Variants in UNC13C observed in about 807,000 individuals in gnomAD.
UNC13C encodes unc-13 homolog C.
In UNC13C, 174 loss-of-function variants were observed where a neutral mutation model predicts 245.4. The observed-to-expected ratio is 0.71, with a 90% CI of 0.63 to 0.80. UNC13C has a LOEUF of 0.80. Ranked by LOEUF, UNC13C falls within the 30% of genes least tolerant of loss-of-function variation. The probability of loss-of-function intolerance (pLI) is 0.00; values close to 1 mark genes in which losing one functional copy is unlikely to be tolerated. For synonymous variants in UNC13C, 992 were observed against 895.1 expected (o/e 1.11, Z -1.93); for missense variants, 2,829 against 2,602.9 (o/e 1.09, Z -1.89).
chr15:54,621,835 G>A (rs945656647), intron 30 of UNC13C, among the ~76,000 whole-genome samples: 34 of 152,146 alleles, frequency 2.2e-4, no homozygotes, highest in African/African-American at 6.7e-4. Flanking sequence ...AAATGCTATC[G>A]GTACACCTTA....
intron 10 of UNC13C, among the ~76,000 whole-genome samples, chr15:54,267,371 A>G (rs2036573533): frequency 6.6e-6 from 1 of 152,038 alleles, no homozygotes; most frequent in South Asian, 2.1e-4. Context: ...ATCAGAGGTA[A>G]GAGCAGACAT....
At chr15:54,338,596 A>G (rs2038651637) in intron 17 of UNC13C, 107 bp downstream of exon 17, 1 of 1,252,438 alleles carries the variant, frequency 8.0e-7, no homozygotes, top group Non-Finnish European at 1.1e-6. Context: ...TTAATTTCAC[A>G]TTAACTGCAA....
intron 14 of UNC13C, among the ~76,000 whole-genome samples, chr15:54,331,323 AC>A (rs756664455): frequency 2.6e-5 from 4 of 152,024 alleles, no homozygotes; most frequent in Non-Finnish European, 5.9e-5. Flanking sequence ...TGTTTAATCC[AC>A]CCAACTTTAA....
chr15:53,911,986 G>C, the UNC13C span: 4 of 152,280 alleles, frequency 2.6e-5, no homozygotes, highest in East Asian at 3.9e-4. Context: ...GCCATTGGCG[G>C]GACCTGGGAG....
chr15:54,443,592 C>G (rs994188494), intron 19 of UNC13C, among the ~76,000 whole-genome samples: 2 of 151,914 alleles, frequency 1.3e-5, no homozygotes, highest in Non-Finnish European at 2.9e-5. Context: ...ATATATTTTG[C>G]TATGCTGTGT....
chr15:53,875,008 G>A, the UNC13C span, among the ~76,000 whole-genome samples: 9 of 152,044 alleles, frequency 5.9e-5, no homozygotes, highest in Non-Finnish European at 1.2e-4. Flanking sequence ...CAGGAGAATC[G>A]CATGAACCCG....
chr15:54,630,703 T>C (rs1013671927), downstream of UNC13C: 1 of 152,166 alleles, frequency 6.6e-6, no homozygotes, highest in Non-Finnish European at 1.5e-5. Flanking sequence ...TTTGCTCTTT[T>C]GACTCCCCAG....
intron 14 of UNC13C, among the ~76,000 whole-genome samples, chr15:54,327,097 G>T (rs1416620859): frequency 6.6e-6 from 1 of 151,906 alleles, no homozygotes; most frequent in East Asian, 1.9e-4. Flanking sequence ...GAGTTGAAAA[G>T]TAACAAAATT....
chr15:54,048,634 T>G (rs1282191869), intron 2 of UNC13C: 2 of 364,362 alleles, frequency 5.5e-6, no homozygotes, highest in Non-Finnish European at 1.1e-5. Context: ...ATATTTTGAT[T>G]AGCAACTGCC....
chr15:54,099,027 C>A (rs1432118575), intron 2 of UNC13C, among the ~76,000 whole-genome samples: 1 of 152,224 alleles, frequency 6.6e-6, no homozygotes, highest in East Asian at 1.9e-4. Flanking sequence ...CCAAATAATT[C>A]TCCTGAGAGA....
chr15:54,387,548 A>G (rs1371907161), intron 17 of UNC13C, among the ~76,000 whole-genome samples: 1 of 152,138 alleles, frequency 6.6e-6, no homozygotes, highest in South Asian at 2.1e-4. Flanking sequence ...CAGTGGGATC[A>G]TAACCCCACT....
At chr15:54,428,775 A>C (rs1381431372) in intron 19 of UNC13C, among the ~76,000 whole-genome samples, 1 of 151,560 alleles carries the variant, frequency 6.6e-6, no homozygotes, top group Non-Finnish European at 1.5e-5. Context: ...CAGAATCCCC[A>C]GGCAGTGTGC....
At chr15:54,060,247 C>T (rs1182039367) in intron 2 of UNC13C, among the ~76,000 whole-genome samples, 1 of 152,098 alleles carries the variant, frequency 6.6e-6, no homozygotes, top group African/African-American at 2.4e-5. Context: ...CCAGAATCTA[C>T]AATGAACTCA....
rs182255568 is a variant in UNC13C, at chr15:54,127,687, C to G, written c.2984-15331C>G. Among the ~76,000 whole-genome samples, 249 of 146,384 alleles carry G rather than the reference C, an allele frequency of 1.7e-3. 1 individual carries two copies. The highest frequency in any genetic ancestry group is 5.9e-3 in the African/African-American group (232 of 39,656). On this transcript the variant is annotated intron_variant, in intron 2 of 32. Coordinates refer to ENST00000260323, the MANE Select transcript of UNC13C (RefSeq NM_001080534.3). The stretch of plus-strand genomic sequence containing the variant: ...AACCTGCACATTCTGCACATGTATC[C>G]CAGAACTTCAAGTGTGTGTGTGTGT...
chr15:54,380,966 G>A (rs1226982254), intron 17 of UNC13C, among the ~76,000 whole-genome samples: 1 of 152,028 alleles, frequency 6.6e-6, no homozygotes, highest in Non-Finnish European at 1.5e-5. Flanking sequence ...TTTGTTTAGT[G>A]TAAACCCATT....
At chr15:53,890,561 A>AG in the UNC13C span, among the ~76,000 whole-genome samples, 1 of 152,200 alleles carries the variant, frequency 6.6e-6, no homozygotes, top group Non-Finnish European at 1.5e-5. Context: ...TGGTCTATTC[A>AG]GGGATTTGAC....
At chr15:54,293,282 T>G (rs2037348517) in intron 10 of UNC13C, among the ~76,000 whole-genome samples, 2 of 151,930 alleles carry the variant, frequency 1.3e-5, no homozygotes, top group African/African-American at 4.8e-5. Flanking sequence ...CCATAATATG[T>G]GTAGGCAATA....
intron 22 of UNC13C, among the ~76,000 whole-genome samples, chr15:54,504,973 A>G (rs1316590603): frequency 6.6e-6 from 1 of 152,298 alleles, no homozygotes; most frequent in East Asian, 1.9e-4. Context: ...TAGCTGAAAG[A>G]TATTTCAGTC....
intron 10 of UNC13C, among the ~76,000 whole-genome samples, chr15:54,289,968 G>A (rs1423389888): frequency 6.6e-6 from 1 of 151,960 alleles, no homozygotes; most frequent in Non-Finnish European, 1.5e-5. Flanking sequence ...ATACAAGGAG[G>A]GATCTAGTCA....
Sources: allele counts gnomAD v4.1 joint callset (sites outside exome capture counted in the v4.1 genomes callset), GRCh38; gene constraint gnomAD v4.1.1; transcripts MANE v1.5; gene names NCBI Gene and HGNC (gene_info 2026-07-23, HGNC 2026-07-21).